The following POLA1 variants were observed in gnomAD, a reference collection of about 807,000 sequenced individuals.
POLA1 encodes DNA polymerase alpha 1, catalytic subunit, also known as DNA polymerase alpha catalytic subunit.
POLA1 carries 15 observed loss-of-function variants against 124.0 expected under a neutral mutation model. The ratio of observed to expected loss-of-function variants is 0.12; its 90% CI spans 0.08 to 0.19. The LOEUF is 0.19. Among genes scored for constraint, POLA1 ranks in the 10% least tolerant of loss-of-function variants. The probability of loss-of-function intolerance (pLI) is 1.00; values close to 1 mark genes in which losing one functional copy is unlikely to be tolerated. For synonymous variants in POLA1, 408 were observed against 389.4 expected, an observed-to-expected ratio of 1.05 and a Z score of -0.56; for missense variants, 886 against 1,103.4, an observed-to-expected ratio of 0.80 and a Z score of 2.79.
intron 35 of POLA1, among the ~76,000 whole-genome samples, chrX:24,926,951 C>T (rs1260392914): frequency 9.1e-6 from 1 of 110,404 alleles, no homozygotes; most frequent in African/African-American, 3.3e-5. Flanking sequence ...CCCACCTCAG[C>T]GTCCCAAGTA....
intron 36 of POLA1, among the ~76,000 whole-genome samples, chrX:24,949,326 T>C (rs755869861): frequency 1.8e-5 from 2 of 111,582 alleles, no homozygotes; most frequent in Admixed American, 1.9e-4. Context: ...TTAAATAAAA[T>C]CAATATGTGG....
intron 29 of POLA1, 71 bp downstream of exon 29, chrX:24,812,934 T>A (rs987680245): frequency 1.8e-6 from 1 of 557,168 alleles, no homozygotes; most frequent in East Asian, 3.4e-5. Flanking sequence ...ATGTAGAGAA[T>A]GCTTATGAAT....
At chrX:24,808,886 A>G (rs753657266) in intron 26 of POLA1, among the ~76,000 whole-genome samples, 8 of 111,934 alleles carry the variant, frequency 7.1e-5, no homozygotes, top group Non-Finnish European at 1.1e-4. Context: ...TATTTGGTCT[A>G]TTGGAAAGGT....
intron 18 of POLA1, among the ~76,000 whole-genome samples, chrX:24,736,433 A>G (rs1356784156): frequency 9.0e-6 from 1 of 111,703 alleles, no homozygotes; most frequent in East Asian, 2.8e-4. Context: ...TCAGCCTCCA[A>G]TAACAACAGT....
At chrX:24,813,744 G>A (rs1014162277) in intron 29 of POLA1, among the ~76,000 whole-genome samples, 78 of 107,721 alleles carry the variant, frequency 7.2e-4, no homozygotes, top group Non-Finnish European at 2.3e-4. Context: ...AACCTTGAAG[G>A]TGGAGGTTGC....
chrX:24,993,772 G>T (rs764773303), intron 36 of POLA1, among the ~76,000 whole-genome samples: 17 of 111,813 alleles, frequency 1.5e-4, no homozygotes, highest in Non-Finnish European at 3.2e-4. Flanking sequence ...GGGGAAGCAA[G>T]TGGGAGCTTT....
chrX:24,913,121 A>C (rs779649401), intron 35 of POLA1, among the ~76,000 whole-genome samples: 32 of 112,446 alleles, frequency 2.8e-4, no homozygotes, highest in Middle Eastern at 4.6e-3. Context: ...CTGTAAAGAA[A>C]CTGTAGTACT....
At chrX:24,961,733 A>C (rs2048170112) in intron 36 of POLA1, among the ~76,000 whole-genome samples, 1 of 111,405 alleles carries the variant, frequency 9.0e-6, no homozygotes, top group Non-Finnish European at 1.9e-5. Flanking sequence ...ATAAAGCCTA[A>C]CTTAGGAGCT....
intron 34 of POLA1, among the ~76,000 whole-genome samples, chrX:24,869,751 CT>C (rs1326802336): frequency 1.8e-5 from 2 of 111,273 alleles, no homozygotes; most frequent in Non-Finnish European, 3.8e-5. Context: ...TTTCTTCTAC[CT>C]CTTTCCTTCT....
chrX:24,819,699 A>G (rs758343057), intron 30 of POLA1, among the ~76,000 whole-genome samples: 1 of 111,373 alleles, frequency 9.0e-6, no homozygotes, highest in South Asian at 3.8e-4. Context: ...CAGGTTTGTT[A>G]CATAGGTACA....
At chrX:24,763,034 G>A (rs1040840449) in intron 26 of POLA1, among the ~76,000 whole-genome samples, 7 of 111,636 alleles carry the variant, frequency 6.3e-5, no homozygotes, top group African/African-American at 1.6e-4. Context: ...CACCACGCCC[G>A]GCCAGATGTT....
chrX:24,797,542 A>G (rs1024993736), intron 26 of POLA1, among the ~76,000 whole-genome samples: 1 of 111,514 alleles, frequency 9.0e-6, no homozygotes, highest in Non-Finnish European at 1.9e-5. Context: ...TCTCTGCTCT[A>G]CTGGGGGTTA....
At chrX:24,698,632 T>G (rs1391990329) in intron 1 of POLA1, among the ~76,000 whole-genome samples, 1 of 111,678 alleles carries the variant, frequency 9.0e-6, no homozygotes, top group East Asian at 2.8e-4. Context: ...TTTATCTTTT[T>G]TTGTTGTTGT....
Position 24,717,345 on chromosome X carries a change from G to A in POLA1, c.762G>A (p.Glu254=). Residue 254 remains glutamate, a synonymous_variant, in exon 9 of 37, where the codon GAG becomes GAA. Coordinates refer to ENST00000379068, the MANE Select transcript of POLA1 (RefSeq NM_001330360.2). ...TEEEQESGAM[E]FEDGDFDEPM... ...AAGAGCAGGAGTCAGGGGCAATGGA[G>A]TTTGAAGATGGTGACTTTGATGAGC... The A allele has an allele frequency of 8.3e-7, 1 of 1,210,041 alleles. No homozygotes were observed.
chrX:24,921,892 T>TTGTGTGTG (rs755172411), intron 35 of POLA1, among the ~76,000 whole-genome samples: 1 of 105,711 alleles, frequency 9.5e-6, no homozygotes, highest in African/African-American at 3.8e-5. Context: ...GTTTTGCCTT[T>TTGTGTGTG]TGTGTGTGTG....
At chrX:24,832,354 C>T (rs2046275961) in intron 32 of POLA1, among the ~76,000 whole-genome samples, 1 of 111,787 alleles carries the variant, frequency 8.9e-6, no homozygotes, top group Non-Finnish European at 1.9e-5. Context: ...GCATCTCAGT[C>T]TCAACAAAGT....
intron 36 of POLA1, among the ~76,000 whole-genome samples, chrX:24,944,895 C>T (rs1164840788): frequency 8.9e-6 from 1 of 112,022 alleles, no homozygotes; most frequent in Non-Finnish European, 1.9e-5. Flanking sequence ...CATGTGAATG[C>T]TCTGTAAAAT....
intron 32 of POLA1, among the ~76,000 whole-genome samples, chrX:24,840,332 C>T (rs1375063174): frequency 1.8e-5 from 2 of 112,101 alleles, no homozygotes; most frequent in African/African-American, 3.2e-5. Context: ...GTGCTTGCCA[C>T]GCAGTAGGCA....
At chrX:24,818,474 C>G (rs1365192919) in intron 30 of POLA1, among the ~76,000 whole-genome samples, 2 of 111,248 alleles carry the variant, frequency 1.8e-5, no homozygotes, top group Non-Finnish European at 3.8e-5. Flanking sequence ...CTCTGCTACC[C>G]TGAGTATGGA....
Sources: allele counts gnomAD v4.1 joint callset (sites outside exome capture counted in the v4.1 genomes callset), GRCh38; gene constraint gnomAD v4.1.1; transcripts MANE v1.5; gene names NCBI Gene and HGNC (gene_info 2026-07-23, HGNC 2026-07-21).